AKNA: variants seen among roughly 807,000 people sequenced by gnomAD.
AKNA encodes AT-hook transcription factor, also known as microtubule organization protein AKNA.
Under a neutral mutation model 138.8 loss-of-function variants are expected in AKNA, and 67 were observed. The ratio of observed to expected loss-of-function variants is 0.48; its 90% CI spans 0.40 to 0.59. The LOEUF is 0.59. Ranked by LOEUF, AKNA falls within the 20% of genes least tolerant of loss-of-function variation. The pLI is 0.00. For missense variants in AKNA, 1,813 were observed against 1,880.4 expected (o/e 0.96, Z 0.66); for synonymous variants, 737 against 754.4 (o/e 0.98, Z 0.38).
At chr9:114,342,173 C>T (rs1250181327) in intron 19 of AKNA, 48 bp from the exon 20 acceptor site, 2 of 1,399,320 alleles carry the variant, frequency 1.4e-6, no homozygotes, top group Non-Finnish European at 1.9e-6. Flanking sequence ...TCTAAATCAT[C>T]AGATCAGGAG....
At chr9:114,356,523 C>A (rs75516262) in intron 13 of AKNA, among the ~76,000 whole-genome samples, 5,054 of 152,266 alleles carry the variant, frequency 0.033, 284 homozygotes, top group African/African-American at 0.12. Context: ...CCTTTGGGTT[C>A]CATGTAGCCA....
At chr9:114,398,130 C>G (rs1834593243), upstream of AKNA, among the ~76,000 whole-genome samples, 1 of 152,016 alleles carries the variant, frequency 6.6e-6, no homozygotes, top group Admixed American at 6.5e-5. The surrounding 1 kb of genome is among the most constrained non-coding windows in gnomAD (Gnocchi z 4.2). Flanking sequence ...AAAGCCAACG[C>G]CCCCATTGTG....
Position 114,361,724 on chromosome 9 carries a change from T to C in AKNA, c.2104A>G (p.Ile702Val), listed in dbSNP as rs763164451. Residue 702 changes from isoleucine (I) to valine (V), a missense_variant, in exon 9 of 22, where the codon ATC becomes GTC. Transcript: ENST00000374088. ...GGTACCTCAGGGCAGGAGGTCTTGA[T>C]GGCTGGCATGGGGGCTTGTCCAGAA... The part of the protein sequence containing the change: ...APSGQAPMPA[I>V]KTSCPEPATT... 1.2e-6 allele frequency: 2 copies of C among 1,613,342 alleles called. No individual in the cohort carries two copies. The highest frequency in any genetic ancestry group is 8.5e-7 in the Non-Finnish European group (1 of 1,180,022).
chr9:114,374,269 G>C, intron 3 of AKNA, 102 bp from the exon 4 acceptor site: 2 of 1,162,562 alleles, frequency 1.7e-6, no homozygotes, highest in Non-Finnish European at 1.3e-6. Flanking sequence ...AGGGCTTCTG[G>C]GTTCCTGAGA....
Position 114,375,216 on chromosome 9 carries a change from G to C in AKNA, c.1342-1049C>G, listed in dbSNP as rs578250997. 2.6e-5 allele frequency among the ~76,000 whole-genome samples: 4 copies of C among 152,190 alleles called. No individual in the cohort carries two copies. In the East Asian group the frequency reaches 5.8e-4, roughly 22 times the overall value. On this transcript the variant is annotated intron_variant, in intron 3 of 21. Coordinates refer to ENST00000374088, the MANE Select transcript of AKNA (RefSeq NM_001317950.2). ...TTCAAGAAAAAGAGGACAATGGGAC[G>C]CATGAAAAGAGACCACAGCACATCA...
At chr9:114,347,508 C>A (rs1035881515) in intron 16 of AKNA, among the ~76,000 whole-genome samples, 1 of 152,206 alleles carries the variant, frequency 6.6e-6, no homozygotes, top group Non-Finnish European at 1.5e-5. Context: ...TGAGCCACTG[C>A]GCCCGGCCTA....
At chr9:114,354,574 A>C (rs1318759366) in intron 14 of AKNA, among the ~76,000 whole-genome samples, 1 of 151,886 alleles carries the variant, frequency 6.6e-6, no homozygotes. Flanking sequence ...TTAGCCAGGC[A>C]TGGTGGTGGG....
At chr9:114,359,023 T>G (rs1320269271) in intron 11 of AKNA, 1 of 154,298 alleles carries the variant, frequency 6.5e-6, no homozygotes, top group Non-Finnish European at 1.4e-5. Context: ...ACTTTCTCCT[T>G]GGCATCATTA....
chr9:114,358,003 C>G lies in AKNA; in HGVS notation c.2657G>C (p.Ser886Thr). The change falls in exon 12 of 22, where the codon AGT (serine) becomes ACT (threonine). Residue 886 changes from serine to threonine, a missense_variant. By Grantham distance (58) the Ser-to-Thr change is moderately conservative. Transcript: ENST00000374088. ...GCCGCTTCCCTCCAGGCTGGTCATA[C>G]TACTTTGGTGGGATGCTGCGGACTT... is the stretch of plus-strand genomic sequence containing the variant. ...GTKSAASHQS[S>T]MTSLEGSGIS... The G allele has an allele frequency of 6.2e-7, 1 of 1,608,646 alleles. No individual in the cohort carries two copies. Among genetic ancestry groups the G allele is most frequent in the Non-Finnish European group, 8.5e-7 (1 of 1,176,708 alleles).
At chr9:114,362,631 G>C (rs1290756791) in intron 7 of AKNA, 98 bp from the exon 8 acceptor site, 1 of 1,423,096 alleles carries the variant, frequency 7.0e-7, no homozygotes, top group Admixed American at 2.5e-5. Context: ...GAGGCCATGG[G>C]ATGCACCTGG....
At chr9:114,353,083 A>C (rs911898809) in intron 14 of AKNA, among the ~76,000 whole-genome samples, 2 of 151,860 alleles carry the variant, frequency 1.3e-5, no homozygotes, top group African/African-American at 4.8e-5. Flanking sequence ...CCTTGTAAAA[A>C]CTCATCAATT....
chr9:114,393,794 G>C (rs1306953331), intron 1 of AKNA, among the ~76,000 whole-genome samples: 2 of 151,568 alleles, frequency 1.3e-5, no homozygotes, highest in Non-Finnish European at 2.9e-5. Context: ...AAATATGGAG[G>C]AAGAGGAGGA....
At position 114,364,585 on chromosome 9, in the gene AKNA, C is replaced by T. The variant is rs749466018; in HGVS notation, c.1763G>A (p.Arg588His). The T allele has an allele frequency of 2.1e-5, 34 of 1,613,814 alleles. No homozygotes were observed. The highest frequency in any genetic ancestry group is 5.3e-5 in the African/African-American group (4 of 74,910). Residue 588 changes from arginine to histidine, a missense_variant, in exon 7 of 22, where the codon CGT (arginine) becomes CAT (histidine). Arg to His is a conservative substitution (Grantham distance 29). Transcript: ENST00000374088. Reference protein sequence around the residue: ...ESFERLIQAGRLMPQDQVKGF... With the variant: ...ESFERLIQAGHLMPQDQVKGF... ...CTTGACTTGGTCCTGGGGCATGAGACGTCCTGCCTGTATCAGTCTTTCAAA... is the reference window on the plus strand; with the variant it reads ...CTTGACTTGGTCCTGGGGCATGAGATGTCCTGCCTGTATCAGTCTTTCAAA...
At chr9:114,384,340 G>A (rs1409749488) in intron 1 of AKNA, among the ~76,000 whole-genome samples, 1 of 152,232 alleles carries the variant, frequency 6.6e-6, no homozygotes, top group East Asian at 1.9e-4. Context: ...GGAGGCCGAG[G>A]TGGGCAGATC....
chr9:114,376,263 G>A (rs1428046846), intron 3 of AKNA: 36 of 387,414 alleles, frequency 9.3e-5, no homozygotes, highest in Non-Finnish European at 1.7e-4. Context: ...CTCCATCCCA[G>A]GGCTTCCCAC....
intron 1 of AKNA, among the ~76,000 whole-genome samples, chr9:114,382,497 C>A (rs1397532112): frequency 6.6e-6 from 1 of 150,746 alleles, no homozygotes; most frequent in East Asian, 2.0e-4. Context: ...GTGGGAGGAT[C>A]ACTTAAGCCC....
chr9:114,352,464 G>A (rs1831192896), intron 14 of AKNA, among the ~76,000 whole-genome samples: 1 of 151,794 alleles, frequency 6.6e-6, no homozygotes, highest in African/African-American at 2.4e-5. Context: ...GGACGCAGTG[G>A]TGCATACCTG....
At chr9:114,388,400 G>A (rs2132142257), upstream of AKNA, among the ~76,000 whole-genome samples, 1 of 152,306 alleles carries the variant, frequency 6.6e-6, no homozygotes, top group East Asian at 1.9e-4. Context: ...CAGGGCCCAT[G>A]TGCACGGTGA....
chr9:114,371,018 T>TTG (rs982749432), intron 4 of AKNA, among the ~76,000 whole-genome samples: 4 of 152,036 alleles, frequency 2.6e-5, no homozygotes, highest in Non-Finnish European at 5.9e-5. Context: ...GAACAGGGGC[T>TTG]GGGGGGGAGG....
Sources: allele counts gnomAD v4.1 joint callset (sites outside exome capture counted in the v4.1 genomes callset), GRCh38; gene constraint gnomAD v4.1.1; non-coding constraint Gnocchi (gnomAD v3.1); transcripts MANE v1.5; gene names NCBI Gene and HGNC (gene_info 2026-07-23, HGNC 2026-07-21).